Variants in DENND5A observed in about 807,000 individuals in gnomAD.
DENND5A encodes DENN domain-containing protein 5A.
In DENND5A, 64 loss-of-function variants were observed where a neutral mutation model predicts 140.3. The observed-to-expected ratio is 0.46, with a 90% CI of 0.37 to 0.56. The LOEUF is 0.56. Ranked by LOEUF, DENND5A falls within the 20% of genes least tolerant of loss-of-function variation. DENND5A has a pLI of 0.00. For missense variants in DENND5A, 1,292 were observed against 1,593.8 expected (o/e 0.81, Z 3.22); for synonymous variants, 605 against 607.7 (o/e 1.00, Z 0.07).
intron 1 of DENND5A, among the ~76,000 whole-genome samples, chr11:9,241,229 C>T (rs986026838): frequency 1.3e-5 from 2 of 152,150 alleles, no homozygotes; most frequent in South Asian, 2.1e-4. Context: ...CATGTAGGTG[C>T]GTAACATTAA....
At chr11:9,152,242 A>C in intron 13 of DENND5A, 116 bp downstream of exon 13, 1 of 813,596 alleles carries the variant, frequency 1.2e-6, no homozygotes, top group Non-Finnish European at 2.2e-6. Context: ...TAAAAGAGAA[A>C]ACATTCCAGA....
chr11:9,203,714 AC>A lies in DENND5A; in HGVS notation c.894del (p.Gln300SerfsTer22). 1 of 1,614,162 alleles carries A rather than the reference AC, an allele frequency of 6.2e-7. No individual in the cohort carries two copies. Among genetic ancestry groups the A allele is most frequent in the Non-Finnish European group, 8.5e-7 (1 of 1,180,024 alleles). ...AGAAGGGCACAAGTAAAAAGCTGAA[AC>A]ACATTCTCCACCCCGAGCAGTTCAA... ...EVFELLGVEN[V>X]FQLFTCALLE... On this transcript the variant is annotated frameshift_variant, in exon 4 of 23. Coordinates refer to ENST00000328194, the MANE Select transcript of DENND5A (RefSeq NM_015213.4). LOFTEE classifies it high-confidence loss of function.
chr11:9,206,727 T>C lies in DENND5A; in HGVS notation c.237A>G (p.Ala79=). The C allele has an allele frequency of 6.2e-7, 1 of 1,613,990 alleles. No individual in the cohort carries two copies. The highest frequency in any genetic ancestry group is 8.5e-7 in the Non-Finnish European group (1 of 1,179,930). Residue 79 remains alanine, a synonymous_variant, in exon 3 of 23, where the codon GCA becomes GCG. Transcript: ENST00000328194. ...TCCATTCTACGTTCTCAGGATATCG[T>C]GCAAGGACCTTAGATTTGAATGTTC... The part of the protein sequence containing the change: ...LRRTFKSKVL[A]RYPENVEWNP...
intron 1 of DENND5A, among the ~76,000 whole-genome samples, chr11:9,211,724 G>C (rs990242105): frequency 1.3e-5 from 2 of 152,008 alleles, no homozygotes; most frequent in Admixed American, 6.5e-5. Context: ...ACGAGGTCAG[G>C]AGTTCGAGAC....
Position 9,265,111 on chromosome 11 carries a change from C to G in DENND5A, c.-42G>C. The stretch of plus-strand genomic sequence containing the variant: ...CCGGCCGGGCAGTGCGGAGCGGCAC[C>G]GAGCCCCCGCAACCCGGGCGCCCGC... On this transcript the variant is annotated 5_prime_UTR_variant, in exon 1 of 23. Coordinates refer to ENST00000328194, the MANE Select transcript of DENND5A (RefSeq NM_015213.4). This position sits in a 1 kb window ranked among gnomAD's most constrained non-coding sequence, Gnocchi z 4.7. 1 of 1,180,938 alleles carries G rather than the reference C, an allele frequency of 8.5e-7. No individual in the cohort carries two copies. Among genetic ancestry groups the G allele is most frequent in the Non-Finnish European group, 1.1e-6 (1 of 942,958 alleles). 73.2% of individuals were successfully genotyped at this position (1,180,938 alleles called of 1,614,324 possible).
chr11:9,175,592 G>GT (rs950002801), intron 8 of DENND5A: 18 of 152,210 alleles, frequency 1.2e-4, no homozygotes, highest in Admixed American at 1.1e-3. Flanking sequence ...ATCATTTAAT[G>GT]TAAGCTACAG....
At chr11:9,183,253 C>T (rs997542847) in intron 5 of DENND5A, among the ~76,000 whole-genome samples, 5 of 152,056 alleles carry the variant, frequency 3.3e-5, no homozygotes, top group Admixed American at 1.3e-4. Flanking sequence ...GTTCCATTCA[C>T]GTAACAGAGA....
At position 9,205,001 on chromosome 11, in the gene DENND5A, T is replaced by C. The variant is rs375203317; in HGVS notation, c.292-684A>G. On this transcript the variant is annotated intron_variant, in intron 3 of 22. Coordinates refer to ENST00000328194, the MANE Select transcript of DENND5A (RefSeq NM_015213.4). ...TGGTAGGTGGTTAAGCATGACAGCA[T>C]GACAGAGAGTAAGATATGTATATTA... Among the ~76,000 whole-genome samples the C allele has an allele frequency of 4.6e-5, 7 of 152,332 alleles. No individual in the cohort carries two copies. In the East Asian group the frequency reaches 5.8e-4, roughly 13 times the overall value.
chr11:9,252,972 T>C (rs1851795482), intron 1 of DENND5A, among the ~76,000 whole-genome samples: 1 of 151,758 alleles, frequency 6.6e-6, no homozygotes, highest in African/African-American at 2.4e-5. Flanking sequence ...AACCTCAGCA[T>C]CCCAAGGAAC....
intron 1 of DENND5A, among the ~76,000 whole-genome samples, chr11:9,213,578 C>T (rs1590284383): frequency 2.0e-5 from 3 of 151,266 alleles, no homozygotes; most frequent in Admixed American, 6.6e-5. Context: ...GAGGCCGAGG[C>T]GGGTGCATCA....
intron 1 of DENND5A, among the ~76,000 whole-genome samples, chr11:9,263,402 G>C (rs1189403511): frequency 4.0e-5 from 6 of 151,118 alleles, no homozygotes; most frequent in Non-Finnish European, 1.5e-5. Flanking sequence ...TGTATTTTTA[G>C]TAGAGACGGG....
Position 9,147,073 on chromosome 11 carries a change from AT to A in DENND5A, c.2813del (p.Asn938MetfsTer16). ...TGGTGAAGCAAAAGTAATCGACGGC[AT>A]TGAAAGACAGGAGGTGATAGAGGAA... is the stretch of plus-strand genomic sequence containing the variant. ...EQFLYHLLSFNAVDYFCFTNV... is the reference protein window; with the variant it reads ...EQFLYHLLSFXAVDYFCFTNV... On this transcript the variant is annotated frameshift_variant, in exon 16 of 23. Coordinates refer to ENST00000328194, the MANE Select transcript of DENND5A (RefSeq NM_015213.4). LOFTEE classifies it high-confidence loss of function. 6.2e-7 allele frequency: 1 copy of A among 1,614,232 alleles called. No individual in the cohort carries two copies. The highest frequency in any genetic ancestry group is 8.5e-7 in the Non-Finnish European group (1 of 1,180,018).
At chr11:9,216,256 GTCATTCCATGACTATTGGGCC>G (rs1850090151) in intron 1 of DENND5A, among the ~76,000 whole-genome samples, 1 of 152,192 alleles carries the variant, frequency 6.6e-6, no homozygotes, top group African/African-American at 2.4e-5. Flanking sequence ...TTCCAGCTTG[GTCATTCCATGACTATTGGGCC>G]TAGAGCCTGA....
chr11:9,162,233 C>CTTTTTT (rs1221675349), intron 11 of DENND5A, among the ~76,000 whole-genome samples: 82 of 97,300 alleles, frequency 8.4e-4, no homozygotes, highest in Middle Eastern at 7.6e-3. Context: ...CCAGTTCCTT[C>CTTTTTT]TTTTTTTTTT....
chr11:9,144,291 C>A lies in DENND5A; in HGVS notation c.3123-13G>T, dbSNP rs370855273. 61 of 1,613,304 alleles carry A rather than the reference C, an allele frequency of 3.8e-5. No individual in the cohort carries two copies. The highest frequency in any genetic ancestry group is 4.5e-5 in the East Asian group (2 of 44,868). Reference sequence around the variant, plus strand: ...GCCACACGGGAACCTGAAGATCAGACAATGGACTGTCAGAGCAGCCAGCTC... The same window carrying A: ...GCCACACGGGAACCTGAAGATCAGAAAATGGACTGTCAGAGCAGCCAGCTC... On this transcript the variant is annotated splice_polypyrimidine_tract_variant and intron_variant, in intron 18 of 22. Transcript: ENST00000328194.
At chr11:9,214,574 G>T (rs910480732) in intron 1 of DENND5A, among the ~76,000 whole-genome samples, 2 of 152,162 alleles carry the variant, frequency 1.3e-5, no homozygotes, top group Non-Finnish European at 2.9e-5. Flanking sequence ...AAGAAAAGAA[G>T]GTAACTGTTC....
At chr11:9,241,176 G>A (rs1027211424) in intron 1 of DENND5A, among the ~76,000 whole-genome samples, 11 of 152,080 alleles carry the variant, frequency 7.2e-5, no homozygotes, top group African/African-American at 2.2e-4. Flanking sequence ...ACAGTTATTC[G>A]GGTACTGAAC....
intron 1 of DENND5A, among the ~76,000 whole-genome samples, chr11:9,262,820 C>T (rs1010607047): frequency 9.2e-5 from 14 of 151,930 alleles, no homozygotes; most frequent in Non-Finnish European, 1.9e-4. Context: ...GGGCTCACTG[C>T]GAGCTCCGCC....
intron 1 of DENND5A, among the ~76,000 whole-genome samples, chr11:9,248,265 G>A (rs1276058659): frequency 2.0e-5 from 3 of 152,170 alleles, no homozygotes; most frequent in Non-Finnish European, 4.4e-5. Flanking sequence ...TTTCAGGCAT[G>A]AGCCACAGCG....
Sources: allele counts gnomAD v4.1 joint callset (sites outside exome capture counted in the v4.1 genomes callset), GRCh38; gene constraint gnomAD v4.1.1; non-coding constraint Gnocchi (gnomAD v3.1); transcripts MANE v1.5; gene names NCBI Gene and HGNC (gene_info 2026-07-23, HGNC 2026-07-21).